ZEB2: variants seen among roughly 807,000 people sequenced by gnomAD.
The protein encoded by ZEB2 is zinc finger E-box-binding homeobox 2.
Under a neutral mutation model 99.9 loss-of-function variants are expected in ZEB2, and 6 were observed. The observed-to-expected ratio is 0.06, with a 90% CI of 0.03 to 0.12. ZEB2 has a LOEUF of 0.12. Among genes scored for constraint, ZEB2 ranks in the 10% least tolerant of loss-of-function variants. The probability of loss-of-function intolerance (pLI) is 1.00; values close to 1 mark genes in which losing one functional copy is unlikely to be tolerated. For synonymous variants in ZEB2, 517 were observed against 542.5 expected (o/e 0.95, Z 0.65); for missense variants, 969 against 1,502.8 (o/e 0.64, Z 5.87).
intron 2 of ZEB2, chr2:144,495,401 G>A (rs962536592): frequency 1.3e-5 from 2 of 152,220 alleles, no homozygotes; most frequent in Non-Finnish European, 2.9e-5. Flanking sequence ...AAAAGATTCT[G>A]CTTCTACTAC....
intron 2 of ZEB2, chr2:144,513,731 G>A: frequency 2.0e-6 from 3 of 1,536,012 alleles, no homozygotes; most frequent in Non-Finnish European, 2.6e-6. Flanking sequence ...AGTTACAAAC[G>A]GGCCGCACCG....
chr2:144,453,850 A>G (rs1029093515), intron 2 of ZEB2, among the ~76,000 whole-genome samples: 3 of 152,202 alleles, frequency 2.0e-5, no homozygotes, highest in Admixed American at 1.3e-4. Context: ...AATGAGAGAG[A>G]GGTCCAAAGG....
At chr2:144,467,231 C>T (rs1356462948) in intron 2 of ZEB2, among the ~76,000 whole-genome samples, 9 of 151,736 alleles carry the variant, frequency 5.9e-5, no homozygotes, top group Non-Finnish European at 1.3e-4. Context: ...AATTGTATAA[C>T]CTGGTAGGTG....
chr2:144,494,633 A>G (rs1201073490), intron 2 of ZEB2: 1 of 152,124 alleles, frequency 6.6e-6, no homozygotes, highest in Non-Finnish European at 1.5e-5. Flanking sequence ...TGGTTCTGAG[A>G]TGTAATAAAA....
chr2:144,438,585 C>T (rs1447089509), intron 2 of ZEB2, among the ~76,000 whole-genome samples: 1 of 152,156 alleles, frequency 6.6e-6, no homozygotes, highest in East Asian at 1.9e-4. Flanking sequence ...ATTCTAATCT[C>T]AGTCAATCTT....
chr2:144,457,636 C>A (rs1199557380), intron 2 of ZEB2, among the ~76,000 whole-genome samples: 2 of 151,972 alleles, frequency 1.3e-5, no homozygotes, highest in Non-Finnish European at 2.9e-5. Flanking sequence ...AGGAAGAGGA[C>A]CTGGTATGTA....
intron 2 of ZEB2, chr2:144,504,163 T>C (rs1573808646): frequency 6.6e-6 from 1 of 151,854 alleles, no homozygotes; most frequent in South Asian, 2.1e-4. Flanking sequence ...TTTCAAGCTT[T>C]AATAAGTGCT....
At chr2:144,433,269 G>A (rs938247367) in intron 2 of ZEB2, among the ~76,000 whole-genome samples, 2 of 152,168 alleles carry the variant, frequency 1.3e-5, no homozygotes, top group Non-Finnish European at 2.9e-5. Flanking sequence ...AACAGCATCA[G>A]TATCCAAAAC....
intron 4 of ZEB2, among the ~76,000 whole-genome samples, chr2:144,418,945 TCA>T (rs1703582071): frequency 6.6e-6 from 1 of 151,542 alleles, no homozygotes. Flanking sequence ...TAACCAAACA[TCA>T]CCTGTTCCCC....
chr2:144,399,523 T>C lies in ZEB2; in HGVS notation c.1664A>G (p.Lys555Arg). ...TATTAAAGTACGTAGCTTCTCTTTC[T>C]TTATATTACTGATCTGTCTCCTTGA... ...TDSRRQISNI[K>R]KEKLRTLIDL... Residue 555 changes from lysine to arginine, a missense_variant, in exon 8 of 10, where the codon AAG becomes AGG. By Grantham distance (26) the Lys-to-Arg change is conservative (BLOSUM62 2). Around this residue, in one of 8 missense-constraint regions of ZEB2, gnomAD observed 227 missense variants for 278.2 expected, o/e 0.82. Coordinates refer to ENST00000627532, the MANE Select transcript of ZEB2 (RefSeq NM_014795.4). The surrounding 1 kb of genome is among the most constrained non-coding windows in gnomAD (Gnocchi z 5.6). The C allele has an allele frequency of 6.2e-7, 1 of 1,614,216 alleles. No homozygotes were observed. Among genetic ancestry groups the C allele is most frequent in the Non-Finnish European group, 8.5e-7 (1 of 1,180,024 alleles).
Position 144,399,275 on chromosome 2 carries a change from A to G in ZEB2, c.1912T>C (p.Ser638Pro). Residue 638 changes from serine to proline, a missense_variant, in exon 8 of 10, where the codon TCT (serine) becomes CCT (proline). Physicochemically the swap from Ser to Pro is moderately conservative, Grantham distance 74. This residue lies in a region of ZEB2 where 346 missense variants were observed against 460.0 expected (regional missense o/e 0.75). Transcript: ENST00000627532. This position sits in a 1 kb window ranked among gnomAD's most constrained non-coding sequence, Gnocchi z 5.6. ...GTCATTCCTTTCTCAGAAAGTACAG[A>G]TGACAAGAGGAGGGCTTTATTATCA... Reference protein sequence around the residue: ...FVDNKALLLSSVLSEKGMTSP... With the variant: ...FVDNKALLLSPVLSEKGMTSP... 6.2e-7 allele frequency: 1 copy of G among 1,614,130 alleles called. No individual in the cohort carries two copies. Among genetic ancestry groups the G allele is most frequent in the Non-Finnish European group, 8.5e-7 (1 of 1,180,022 alleles).
intron 9 of ZEB2, among the ~76,000 whole-genome samples, chr2:144,392,532 G>T (rs1703166235): frequency 1.3e-5 from 2 of 152,152 alleles, no homozygotes. Flanking sequence ...ATTATGAATT[G>T]ACAACCTGAA....
At chr2:144,391,074 A>G (rs1398729896) in intron 9 of ZEB2, among the ~76,000 whole-genome samples, 1 of 152,220 alleles carries the variant, frequency 6.6e-6, no homozygotes, top group African/African-American at 2.4e-5. Context: ...TTAAAACCCA[A>G]CAAAGTAGAT....
chr2:144,492,684 T>G (rs1244270128), intron 2 of ZEB2, among the ~76,000 whole-genome samples: 1 of 152,124 alleles, frequency 6.6e-6, no homozygotes, highest in East Asian at 1.9e-4. Flanking sequence ...GCCAGTTGAT[T>G]TAAATACAAA....
chr2:144,445,266 T>C (rs1248713293), intron 2 of ZEB2, among the ~76,000 whole-genome samples: 3 of 1,544 alleles, frequency 1.9e-3, no homozygotes, highest in African/African-American at 2.2e-3. Context: ...TTTCCTCCTC[T>C]TTTTTTTTTT....
intron 1 of ZEB2, chr2:144,517,671 A>G: frequency 1.4e-6 from 1 of 701,400 alleles, no homozygotes. Flanking sequence ...CTTCAAAATG[A>G]GTCATAACTC....
At chr2:144,393,171 T>C (rs191335241) in intron 9 of ZEB2, among the ~76,000 whole-genome samples, 1 of 152,292 alleles carries the variant, frequency 6.6e-6, no homozygotes, top group East Asian at 1.9e-4. Flanking sequence ...TTTGTGACAA[T>C]TAATTCTGTT....
intron 2 of ZEB2, among the ~76,000 whole-genome samples, chr2:144,440,509 ATATATATTTTTTT>A (rs1222953403): frequency 0.024 from 671 of 28,238 alleles, 1 homozygote; most frequent in Non-Finnish European, 0.033. Context: ...ATATATATAT[ATATATATTTTTTT>A]TTTTTTTTTT....
intron 2 of ZEB2, among the ~76,000 whole-genome samples, chr2:144,439,363 C>G (rs1214233798): frequency 6.6e-6 from 1 of 152,174 alleles, no homozygotes; most frequent in African/African-American, 2.4e-5. Flanking sequence ...AGATCTTTTG[C>G]TCATTGCCCA....
Sources: allele counts gnomAD v4.1 joint callset (sites outside exome capture counted in the v4.1 genomes callset), GRCh38; gene constraint gnomAD v4.1.1; regional missense constraint gnomAD v4.1.1; non-coding constraint Gnocchi (gnomAD v3.1); transcripts MANE v1.5; gene names NCBI Gene and HGNC (gene_info 2026-07-23, HGNC 2026-07-21).